Variants in DLG2 observed in about 807,000 individuals in gnomAD.
DLG2 encodes discs large MAGUK scaffold protein 2.
A neutral mutation model predicts 132.5 loss-of-function variants in DLG2; 45 were observed. That is an observed-to-expected ratio of 0.34 (90% CI 0.27 to 0.44). DLG2 has a LOEUF of 0.44. Among genes scored for constraint, DLG2 ranks in the 20% least tolerant of loss-of-function variants. DLG2 has a pLI of 1.00. For synonymous variants in DLG2, 424 were observed against 419.6 expected (o/e 1.01, Z -0.13); for missense variants, 1,045 against 1,196.9 (o/e 0.87, Z 1.87).
intron 6 of DLG2, among the ~76,000 whole-genome samples, chr11:84,936,310 G>A (rs1376608643): frequency 1.3e-5 from 2 of 152,002 alleles, no homozygotes; most frequent in Admixed American, 6.6e-5. Context: ...AAAGTATTTT[G>A]TAGTCCTATT....
chr11:83,474,860 C>T (rs1483451419), intron 22 of DLG2, among the ~76,000 whole-genome samples: 1 of 152,154 alleles, frequency 6.6e-6, no homozygotes, highest in Non-Finnish European at 1.5e-5. Context: ...GCAAATCATT[C>T]TGATGGAACG....
At chr11:85,135,876 T>C (rs571851605) in intron 5 of DLG2, among the ~76,000 whole-genome samples, 1 of 152,226 alleles carries the variant, frequency 6.6e-6, no homozygotes, top group Non-Finnish European at 1.5e-5. Context: ...TATAATACCG[T>C]ACAGAAAGCA....
chr11:85,509,133 G>C (rs567655313), intron 3 of DLG2, among the ~76,000 whole-genome samples: 2 of 152,102 alleles, frequency 1.3e-5, no homozygotes, highest in South Asian at 4.2e-4. Context: ...TTCGCAGTGA[G>C]TTTTAGGACT....
rs1282601523 is a variant in DLG2 at position 84,661,092 on chromosome 11, A to G, written c.358-126361T>C. 1.3e-5 allele frequency among the ~76,000 whole-genome samples: 2 copies of G among 152,166 alleles called. 1 individual carries two copies. The highest frequency in any genetic ancestry group is 2.9e-5 in the Non-Finnish European group (2 of 68,018). ...AATAAAATTTTATGACTTTGTTACC[A>G]TATACGCCCCCTCTCTCCAGGTAAA... On this transcript the variant is annotated intron_variant, in intron 6 of 27. Coordinates refer to ENST00000376104, the MANE Select transcript of DLG2 (RefSeq NM_001142699.3).
intron 8 of DLG2, among the ~76,000 whole-genome samples, chr11:84,166,230 G>A (rs758905332): frequency 1.3e-5 from 2 of 152,142 alleles, no homozygotes; most frequent in African/African-American, 2.4e-5. Context: ...AGGGCTGGGC[G>A]CAGTGGCTCA....
intron 4 of DLG2, among the ~76,000 whole-genome samples, chr11:85,160,777 A>T (rs2077969433): frequency 6.6e-6 from 1 of 152,112 alleles, no homozygotes; most frequent in African/African-American, 2.4e-5. Flanking sequence ...CCCTATGATC[A>T]GTTGACAGAG....
intron 7 of DLG2, among the ~76,000 whole-genome samples, chr11:84,485,207 G>A (rs959508837): frequency 3.3e-5 from 5 of 152,002 alleles, no homozygotes; most frequent in Admixed American, 2.6e-4. Context: ...TGGTAAAAAT[G>A]TCCCTATTTA....
chr11:84,249,695 T>C (rs767285606), intron 8 of DLG2, among the ~76,000 whole-genome samples: 1 of 152,202 alleles, frequency 6.6e-6, no homozygotes, highest in Non-Finnish European at 1.5e-5. Flanking sequence ...AAGAGAATAG[T>C]GGATGTAGGT....
intron 25 of DLG2, among the ~76,000 whole-genome samples, chr11:83,467,769 A>G (rs1293924962): frequency 1.6e-5 from 1 of 62,084 alleles, no homozygotes; most frequent in African/African-American, 8.2e-5. Flanking sequence ...TAAAAACTAT[A>G]TGTATATATA....
At chr11:84,921,768 C>A (rs1364637921) in intron 6 of DLG2, among the ~76,000 whole-genome samples, 2 of 152,154 alleles carry the variant, frequency 1.3e-5, no homozygotes, top group Admixed American at 1.3e-4. Context: ...ATGTCATACC[C>A]ATACTTTGGA....
intron 6 of DLG2, among the ~76,000 whole-genome samples, chr11:84,934,979 A>G (rs554328116): frequency 3.3e-4 from 50 of 152,190 alleles, no homozygotes; most frequent in African/African-American, 1.2e-3. Context: ...TTATTGCCAA[A>G]ACTAAACTGA....
At chr11:83,492,325 A>G (rs1327376677) in intron 21 of DLG2, among the ~76,000 whole-genome samples, 1 of 151,928 alleles carries the variant, frequency 6.6e-6, no homozygotes, top group Non-Finnish European at 1.5e-5. Flanking sequence ...ATCCTACCCC[A>G]TATAGCATTT....
At chr11:85,264,046 A>T (rs2077080264) in intron 4 of DLG2, among the ~76,000 whole-genome samples, 2 of 150,776 alleles carry the variant, frequency 1.3e-5, no homozygotes, top group Non-Finnish European at 3.0e-5. Context: ...TGCTAGGGTT[A>T]TGTGTAGAGC....
intron 3 of DLG2, among the ~76,000 whole-genome samples, chr11:85,428,419 C>G (rs935525376): frequency 1.3e-5 from 2 of 152,154 alleles, no homozygotes; most frequent in African/African-American, 4.8e-5. Flanking sequence ...AAAATTATAA[C>G]AAACTGTCTC....
intron 6 of DLG2, among the ~76,000 whole-genome samples, chr11:84,595,023 G>A (rs1033750702): frequency 2.0e-5 from 3 of 152,162 alleles, no homozygotes; most frequent in African/African-American, 4.8e-5. Flanking sequence ...ATCACAAAAT[G>A]TAGGTCGTTG....
chr11:85,490,824 A>C (rs1233846505), intron 3 of DLG2, among the ~76,000 whole-genome samples: 1 of 151,990 alleles, frequency 6.6e-6, no homozygotes, highest in East Asian at 1.9e-4. Context: ...ACTTCCAACA[A>C]AGATGAATTG....
chr11:85,488,567 C>G (rs1486840377), intron 3 of DLG2, among the ~76,000 whole-genome samples: 5 of 152,136 alleles, frequency 3.3e-5, no homozygotes, highest in Non-Finnish European at 7.3e-5. Flanking sequence ...AATACACTGT[C>G]TAAATTCAAA....
rs571861637 is a variant in DLG2, at chr11:84,401,807, C to T, written c.519+132763G>A. ...ATGCCATTCTCTTGCCTCAGCCTCC[C>T]GAGTAGCTGGGACTACAGGCGCCTG... On this transcript the variant is annotated intron_variant, in intron 7 of 27. Transcript: ENST00000376104. 5.3e-5 allele frequency among the ~76,000 whole-genome samples: 8 copies of T among 152,208 alleles called. No individual in the cohort carries two copies. In the East Asian group the frequency reaches 1.4e-3, roughly 26 times the overall value.
chr11:84,384,099 T>G (rs982385050), intron 7 of DLG2, among the ~76,000 whole-genome samples: 7 of 150,592 alleles, frequency 4.6e-5, no homozygotes, highest in Admixed American at 4.0e-4. Flanking sequence ...ATGACGCTTT[T>G]TTTTTTTTTG....
Sources: allele counts gnomAD v4.1 joint callset (sites outside exome capture counted in the v4.1 genomes callset), GRCh38; gene constraint gnomAD v4.1.1; transcripts MANE v1.5; gene names NCBI Gene and HGNC (gene_info 2026-07-23, HGNC 2026-07-21).